Variants in JAK3 observed in about 807,000 individuals in gnomAD.
JAK3 encodes tyrosine-protein kinase JAK3.
JAK3 carries 88 observed loss-of-function variants against 120.8 expected under a neutral mutation model. The observed-to-expected ratio is 0.73, with a 90% CI of 0.61 to 0.87. JAK3 has a LOEUF of 0.87. Among genes scored for constraint, JAK3 ranks in the 40% least tolerant of loss-of-function variants. The pLI, the probability that JAK3 is intolerant of heterozygous loss-of-function variation, is 0.00. For synonymous variants in JAK3, 592 were observed against 628.6 expected (o/e 0.94, Z 0.87); for missense variants, 1,254 against 1,501.4 (o/e 0.84, Z 2.72).
chr19:17,826,606 C>G lies in JAK3; in HGVS notation c.*137G>C, dbSNP rs199679264. 5.2e-6 allele frequency: 5 copies of G among 963,892 alleles called. No homozygotes were observed. The highest frequency in any genetic ancestry group is 4.8e-5 in the East Asian group (2 of 41,608). 59.7% of individuals were successfully genotyped at this position (963,892 alleles called of 1,614,324 possible). ...TATTCTACAGGCCACGGGAGCCCCCCCAAATGCAATGTCATGGGGGTGTTC... is the reference window on the plus strand; with the variant it reads ...TATTCTACAGGCCACGGGAGCCCCCGCAAATGCAATGTCATGGGGGTGTTC... On this transcript the variant is annotated 3_prime_UTR_variant, in exon 24 of 24. Coordinates refer to ENST00000458235, the MANE Select transcript of JAK3 (RefSeq NM_000215.4).
intron 1 of JAK3, among the ~76,000 whole-genome samples, chr19:17,845,665 C>T (rs1726059619): frequency 6.6e-6 from 1 of 152,124 alleles, no homozygotes; most frequent in African/African-American, 2.4e-5. Flanking sequence ...AGGAGGATGC[C>T]TTCAGCTCTG....
chr19:17,828,882 T>C (rs1226296068), intron 23 of JAK3, among the ~76,000 whole-genome samples: 2 of 152,134 alleles, frequency 1.3e-5, no homozygotes, highest in African/African-American at 2.4e-5. Context: ...GGGTGGGATG[T>C]GGTGGCTCAC....
chr19:17,830,810 A>G (rs2094212580), intron 21 of JAK3, among the ~76,000 whole-genome samples, 190 bp from the exon 22 acceptor site: 1 of 133,904 alleles, frequency 7.5e-6, no homozygotes, highest in Non-Finnish European at 1.6e-5. Flanking sequence ...GGGAAGAGCT[A>G]AGGCTGTGGG....
rs2094241983 is a variant in JAK3 at position 17,842,409 on chromosome 19, C to G, written c.768G>C (p.Val256=). ...GGCCACCAAGGGCCCCAGGGAGGCC[C>G]ACGTGGAAGGTCTCGGCGGCCCCGG... The part of the protein sequence containing the change: ...DPAGAAETFH[V]GLPGALGGHD... The change falls in exon 6 of 24, where the codon GTG becomes GTC. Residue 256 remains valine (V), a synonymous_variant. Transcript: ENST00000458235. The surrounding 1 kb of genome is among the most constrained non-coding windows in gnomAD (Gnocchi z 6.4). 1 of 1,586,246 alleles carries G rather than the reference C, an allele frequency of 6.3e-7. No individual in the cohort carries two copies. The highest frequency in any genetic ancestry group is 1.1e-5 in the South Asian group (1 of 87,974).
In JAK3 at chr19:17,836,061, A is replaced by AG. The variant is rs397839895; in HGVS notation, c.1787-11dup. On this transcript the variant is annotated splice_polypyrimidine_tract_variant and intron_variant, in intron 13 of 23. Coordinates refer to ENST00000458235, the MANE Select transcript of JAK3 (RefSeq NM_000215.4). ...TCCTGCACCATGGTGCCTGGTTGGC[A>AG]GCAGGGAGAGGCGGGGTTGGGAGAC... 0.019 allele frequency: 30,530 copies of AG among 1,613,224 alleles called. 2,136 individuals are homozygous for AG. In the East Asian group the frequency reaches 0.27, roughly 14 times the overall value.
At chr19:17,830,261 G>T in intron 22 of JAK3, 43 bp from the exon 23 acceptor site, 1 of 1,462,562 alleles carries the variant, frequency 6.8e-7, no homozygotes, top group Non-Finnish European at 9.4e-7. Flanking sequence ...AGGAGCCTCC[G>T]TGGGTGGAGG....
At position 17,831,288 on chromosome 19, in the gene JAK3, A is replaced by T; in HGVS notation, c.2918T>A (p.Leu973Gln). ...VKIADFGLAK[L>Q]LPLDKDYYVV... ...GTAGTAGTCTTTGTCAAGCGGCAGC[A>T]GCTTAGCTAGGCCGAAGTCAGCGAT... The change falls in exon 21 of 24, where the codon CTG (leucine) becomes CAG (glutamine). Residue 973 changes from leucine to glutamine, a missense_variant. Transcript: ENST00000458235. This position sits in a 1 kb window ranked among gnomAD's most constrained non-coding sequence, Gnocchi z 5.1. 6.2e-7 allele frequency: 1 copy of T among 1,612,860 alleles called. No individual in the cohort carries two copies. Among genetic ancestry groups the T allele is most frequent in the Non-Finnish European group, 8.5e-7 (1 of 1,179,854 alleles).
chr19:17,831,189 G>A lies in JAK3; in HGVS notation c.2978+39C>T, dbSNP rs1357175509. The A allele has an allele frequency of 2.5e-6, 4 of 1,597,824 alleles. No homozygotes were observed. Among genetic ancestry groups the A allele is most frequent in the Non-Finnish European group, 3.4e-6 (4 of 1,172,640 alleles). On this transcript the variant is annotated intron_variant, in intron 21 of 23. Transcript: ENST00000458235. The surrounding 1 kb of genome is among the most constrained non-coding windows in gnomAD (Gnocchi z 5.1). Reference sequence around the variant, plus strand: ...CATGGCTGGGGGCGGAGCCAGAGCCGTGGGGAATAGGGGCGGAGCCTAGGC... The same window carrying A: ...CATGGCTGGGGGCGGAGCCAGAGCCATGGGGAATAGGGGCGGAGCCTAGGC...
chr19:17,826,088 T>TAAA lies in JAK3; in HGVS notation c.*654_*655insTTT, dbSNP rs201256845. 32,215 of 146,932 alleles carry TAAA rather than the reference T, an allele frequency of 0.22. 4,569 individuals are homozygous for TAAA. Among genetic ancestry groups the TAAA allele is most frequent in the African/African-American group, 0.4 (15,780 of 39,326 alleles). The allele number at this position is 146,932 out of a possible 1,614,324, so 9.1% of individuals were successfully genotyped here. ...TCTCTTAAAAATAATAATAATAAAT[T>TAAA]TAAAAAAAAAAAAGCCTGGGTGCAG... On this transcript the variant is annotated 3_prime_UTR_variant, in exon 24 of 24. Coordinates refer to ENST00000458235, the MANE Select transcript of JAK3 (RefSeq NM_000215.4).
Position 17,841,430 on chromosome 19 carries a change from C to T in JAK3, c.1101G>A (p.Arg367=). 1 of 1,553,930 alleles carries T rather than the reference C, an allele frequency of 6.4e-7. No individual in the cohort carries two copies. The change falls in exon 8 of 24, where the codon AGG becomes AGA. Residue 367 remains arginine, a synonymous_variant. Coordinates refer to ENST00000458235, the MANE Select transcript of JAK3 (RefSeq NM_000215.4). This position sits in a 1 kb window ranked among gnomAD's most constrained non-coding sequence, Gnocchi z 4.1. ...ACTGCTCGGCCACTTCCTCCAGCAG[C>T]CTCGGCGGTGCCACCTCCTTGCAGA... ...HFFCKEVAPP[R]LLEEVAEQCH...
At position 17,842,836 on chromosome 19, in the gene JAK3, G is replaced by A. The variant is rs990518881; in HGVS notation, c.566+191C>T. 4 of 890,842 alleles carry A rather than the reference G, an allele frequency of 4.5e-6. No homozygotes were observed. The highest frequency in any genetic ancestry group is 1.6e-5 in the South Asian group (1 of 63,996). 55.2% of individuals were successfully genotyped at this position (890,842 alleles called of 1,614,324 possible). A position where few individuals can be genotyped will look rare whatever the true frequency, so the allele number is the denominator to read the frequency against. ...CAGGGACCCCACAGGCCTTTTAGCT[G>A]GGGGAGGTCAGGTGTCTGTCCAGCT... On this transcript the variant is annotated intron_variant, in intron 5 of 23. Coordinates refer to ENST00000458235, the MANE Select transcript of JAK3 (RefSeq NM_000215.4). The surrounding 1 kb of genome is among the most constrained non-coding windows in gnomAD (Gnocchi z 6.4).
intron 1 of JAK3, 140 bp from the exon 2 acceptor site, chr19:17,844,570 G>A (rs1456667812): frequency 1.1e-5 from 8 of 700,306 alleles, no homozygotes; most frequent in Admixed American, 2.9e-5. Flanking sequence ...AGGCCGAGGC[G>A]GGAGGATCAC....
chr19:17,831,582 C>T lies in JAK3; in HGVS notation c.2805+92G>A. ...CCACTCCCGAGACCTGGACCCCAAACCACTCCTCAGCCTTCACCGCGACCT... is the reference window on the plus strand; with the variant it reads ...CCACTCCCGAGACCTGGACCCCAAATCACTCCTCAGCCTTCACCGCGACCT... On this transcript the variant is annotated intron_variant, in intron 20 of 23. Coordinates refer to ENST00000458235, the MANE Select transcript of JAK3 (RefSeq NM_000215.4). This position sits in a 1 kb window ranked among gnomAD's most constrained non-coding sequence, Gnocchi z 5.1. 6.5e-7 allele frequency: 1 copy of T among 1,530,924 alleles called. No individual in the cohort carries two copies. The highest frequency in any genetic ancestry group is 8.8e-7 in the Non-Finnish European group (1 of 1,138,200). The allele number at this position is 1,530,924 out of a possible 1,614,324, so 94.8% of individuals were successfully genotyped here.
rs2094231430 is a variant in JAK3 at position 17,839,118 on chromosome 19, G to A, written c.1441+359C>T. The A allele has an allele frequency of 9.8e-5, 39 of 399,892 alleles. 3 individuals are homozygous for A. Among genetic ancestry groups the A allele is most frequent in the South Asian group, 7.7e-4 (39 of 50,976 alleles). The allele number at this position is 399,892 out of a possible 1,614,324, so 24.8% of individuals were successfully genotyped here. ...CTGCAGGGGGCTTTAATGAGCAAGT[G>A]GCACTGTGGACAACCAGGGATCGGT... is the stretch of plus-strand genomic sequence containing the variant. On this transcript the variant is annotated intron_variant, in intron 10 of 23. Transcript: ENST00000458235.
At chr19:17,830,456 G>A in intron 22 of JAK3, 47 bp downstream of exon 22, 1 of 1,450,104 alleles carries the variant, frequency 6.9e-7, no homozygotes, top group Non-Finnish European at 9.6e-7. Flanking sequence ...TGGCCACGAG[G>A]GGCGTGGAGG....
intron 10 of JAK3, chr19:17,839,225 C>T (rs772119563): frequency 6.3e-6 from 4 of 633,108 alleles, no homozygotes; most frequent in South Asian, 6.1e-5. Context: ...GAGTGAAATT[C>T]ACCCAGAGGA....
chr19:17,829,500 A>C (rs3212783), intron 23 of JAK3, among the ~76,000 whole-genome samples: 27,164 of 150,850 alleles, frequency 0.18, 2,806 homozygotes, highest in Admixed American at 0.27. Flanking sequence ...ATGTACACCT[A>C]TAGTCCCAGC....
chr19:17,826,787 T>A lies in JAK3; in HGVS notation c.3331A>T (p.Thr1111Ser). The change falls in exon 24 of 24, where the codon ACT becomes TCT. Residue 1111 changes from threonine (T) to serine (S), a missense_variant. Around this residue, in one of 3 missense-constraint regions of JAK3, gnomAD observed 630 missense variants for 819.8 expected, o/e 0.77. Coordinates refer to ENST00000458235, the MANE Select transcript of JAK3 (RefSeq NM_000215.4). Reference sequence around the variant, plus strand: ...TGGTGTTTGCCCTCTGGGTGAGCAGTGAAGGCATGAGTCTCACACCCCCGG... The same window carrying A: ...TGGTGTTTGCCCTCTGGGTGAGCAGAGAAGGCATGAGTCTCACACCCCCGG... ...GSRGCETHAF[T>S]AHPEGKHHSL... is the part of the protein sequence containing the mutation. 6.2e-7 allele frequency: 1 copy of A among 1,613,980 alleles called. No individual in the cohort carries two copies. Among genetic ancestry groups the A allele is most frequent in the South Asian group, 1.1e-5 (1 of 91,070 alleles).
At chr19:17,829,025 G>A (rs1328968186) in intron 23 of JAK3, among the ~76,000 whole-genome samples, 3 of 151,946 alleles carry the variant, frequency 2.0e-5, no homozygotes, top group Non-Finnish European at 4.4e-5. Context: ...AGGCACAGTG[G>A]CTTATGCCTG....
Sources: allele counts gnomAD v4.1 joint callset (sites outside exome capture counted in the v4.1 genomes callset), GRCh38; gene constraint gnomAD v4.1.1; regional missense constraint gnomAD v4.1.1; non-coding constraint Gnocchi (gnomAD v3.1); transcripts MANE v1.5; gene names NCBI Gene and HGNC (gene_info 2026-07-23, HGNC 2026-07-21).